The following SNTG1 variants were observed in gnomAD, a reference collection of about 807,000 sequenced individuals.
SNTG1 encodes syntrophin gamma 1.
Under a neutral mutation model 74.7 loss-of-function variants are expected in SNTG1, and 39 were observed. The observed-to-expected ratio is 0.52, with a 90% confidence interval of 0.40 to 0.68. SNTG1 has a LOEUF of 0.68. Ranked by LOEUF, SNTG1 falls within the 30% of genes least tolerant of loss-of-function variation. SNTG1 has a pLI of 0.00. For synonymous variants in SNTG1, 254 were observed against 217.1 expected, an observed-to-expected ratio of 1.17 and a Z score of -1.49; for missense variants, 685 against 609.5, an observed-to-expected ratio of 1.12 and a Z score of -1.30.
At chr8:50,218,721 T>A (rs963990719) in intron 2 of SNTG1, among the ~76,000 whole-genome samples, 2 of 152,222 alleles carry the variant, frequency 1.3e-5, no homozygotes, top group Non-Finnish European at 2.9e-5. Context: ...ATCAGACATC[T>A]AATTCCAGCA....
chr8:50,116,388 T>C (rs768536325), intron 1 of SNTG1, among the ~76,000 whole-genome samples: 4 of 152,184 alleles, frequency 2.6e-5, no homozygotes, highest in Admixed American at 6.6e-5. Flanking sequence ...AGCACTGGCT[T>C]TTCCCCAACT....
At chr8:50,446,865 G>A (rs370186874) in intron 5 of SNTG1, among the ~76,000 whole-genome samples, 2 of 152,062 alleles carry the variant, frequency 1.3e-5, no homozygotes, top group Non-Finnish European at 2.9e-5. Flanking sequence ...GTAGTTGCCC[G>A]AAACTGCAGA....
chr8:50,555,645 G>A (rs1477784882), intron 12 of SNTG1, among the ~76,000 whole-genome samples: 1 of 152,036 alleles, frequency 6.6e-6, no homozygotes, highest in African/African-American at 2.4e-5. Context: ...GCTTGTATAA[G>A]TCTGACTTGA....
chr8:50,096,803 C>A (rs2079945054), intron 1 of SNTG1, among the ~76,000 whole-genome samples: 1 of 152,050 alleles, frequency 6.6e-6, no homozygotes, highest in East Asian at 1.9e-4. Flanking sequence ...AATGAGCTAT[C>A]TTAATGTTTT....
intron 1 of SNTG1, among the ~76,000 whole-genome samples, chr8:50,069,510 A>G (rs1186816183): frequency 6.6e-6 from 1 of 151,298 alleles, no homozygotes; most frequent in African/African-American, 2.4e-5. Context: ...AAAATTGTGT[A>G]ATGAAATCAT....
At chr8:50,303,059 A>T (rs1255811075) in intron 2 of SNTG1, among the ~76,000 whole-genome samples, 2 of 152,084 alleles carry the variant, frequency 1.3e-5, no homozygotes, top group Non-Finnish European at 1.5e-5. Context: ...TTCTCATTTT[A>T]AAAAACATTT....
intron 2 of SNTG1, among the ~76,000 whole-genome samples, chr8:50,256,809 T>C (rs2086904503): frequency 2.0e-5 from 3 of 152,024 alleles, no homozygotes; most frequent in African/African-American, 7.2e-5. Context: ...TGTGTCTGTG[T>C]GTGTGTAGTT....
intron 1 of SNTG1, among the ~76,000 whole-genome samples, chr8:50,062,211 T>G (rs1022672840): frequency 1.3e-5 from 2 of 152,012 alleles, no homozygotes; most frequent in African/African-American, 2.4e-5. Context: ...TCCTGGCTAA[T>G]TTTTGTATTT....
chr8:50,357,891 G>A (rs1475239994), intron 2 of SNTG1, among the ~76,000 whole-genome samples: 1 of 152,146 alleles, frequency 6.6e-6, no homozygotes, highest in Non-Finnish European at 1.5e-5. Context: ...AGCATTTCTT[G>A]TCAATAATCC....
chr8:49,935,518 T>C, intron 1 of SNTG1, among the ~76,000 whole-genome samples: 1 of 77,734 alleles, frequency 1.3e-5, no homozygotes, highest in Non-Finnish European at 2.4e-5. Flanking sequence ...GAAGGAGATG[T>C]AAACCAAAAA....
At chr8:50,725,788 G>A (rs1362949386) in intron 17 of SNTG1, among the ~76,000 whole-genome samples, 1 of 152,170 alleles carries the variant, frequency 6.6e-6, no homozygotes, top group East Asian at 1.9e-4. Flanking sequence ...TTATCAGCAA[G>A]TACCATGTCT....
At chr8:50,131,336 A>G (rs2081310589) in intron 1 of SNTG1, among the ~76,000 whole-genome samples, 1 of 152,090 alleles carries the variant, frequency 6.6e-6, no homozygotes, top group Admixed American at 6.6e-5. Context: ...GGTATAATTG[A>G]AAAATAAAAA....
At chr8:50,019,484 T>C (rs1816629274) in intron 1 of SNTG1, among the ~76,000 whole-genome samples, 1 of 152,102 alleles carries the variant, frequency 6.6e-6, no homozygotes, top group African/African-American at 2.4e-5. Flanking sequence ...TTGTTCTTAA[T>C]AAAGTCTCTT....
chr8:50,631,644 A>G (rs978746570), intron 13 of SNTG1, among the ~76,000 whole-genome samples: 14 of 152,214 alleles, frequency 9.2e-5, no homozygotes, highest in Admixed American at 7.2e-4. Flanking sequence ...TAAATAATCC[A>G]TTGATAGGAC....
At chr8:50,193,555 T>C (rs1352004904) in intron 2 of SNTG1, among the ~76,000 whole-genome samples, 2 of 152,132 alleles carry the variant, frequency 1.3e-5, no homozygotes, top group Admixed American at 6.6e-5. Flanking sequence ...TTTTATCAAT[T>C]CTAGGAGCTT....
intron 5 of SNTG1, among the ~76,000 whole-genome samples, chr8:50,444,561 C>T (rs546374551): frequency 4.0e-4 from 61 of 152,108 alleles, no homozygotes; most frequent in Admixed American, 1.8e-3. Context: ...ACCATCCTGG[C>T]CAACATGGTG....
At chr8:50,504,191 T>C (rs2093987315) in intron 9 of SNTG1, among the ~76,000 whole-genome samples, 1 of 152,188 alleles carries the variant, frequency 6.6e-6, no homozygotes, top group African/African-American at 2.4e-5. Flanking sequence ...TTTTTTATGG[T>C]GACATAGTAT....
intron 2 of SNTG1, among the ~76,000 whole-genome samples, chr8:50,334,049 A>C (rs1313563003): frequency 4.6e-5 from 7 of 152,156 alleles, no homozygotes; most frequent in Non-Finnish European, 8.8e-5. Context: ...GGCACCCATC[A>C]TCACGCCTGG....
intron 17 of SNTG1, among the ~76,000 whole-genome samples, chr8:50,735,785 CT>C (rs1287892535): frequency 6.6e-6 from 1 of 151,948 alleles, no homozygotes; most frequent in Non-Finnish European, 1.5e-5. Context: ...CACAAAGATA[CT>C]CCTCAAGAAG....
Sources: gnomAD v4.1 joint callset for allele counts (sites outside exome capture counted in the v4.1 genomes callset) on GRCh38, gnomAD v4.1.1 for gene constraint, MANE v1.5 for transcripts, NCBI Gene and HGNC (gene_info 2026-07-23, HGNC 2026-07-21) for gene names.